SIGLEC12: variants seen among roughly 807,000 people sequenced by gnomAD.
SIGLEC12 encodes sialic acid binding Ig like lectin 12.
Under a neutral mutation model 54.1 loss-of-function variants are expected in SIGLEC12, and 43 were observed. The observed-to-expected ratio is 0.80, with a 90% CI of 0.62 to 1.03. The LOEUF (loss-of-function observed/expected upper bound fraction) is 1.03. SIGLEC12 is among the 50% of genes least tolerant of loss of function. The pLI, the probability that SIGLEC12 is intolerant of heterozygous loss-of-function variation, is 0.00. For synonymous variants in SIGLEC12, 357 were observed against 307.6 expected, an observed-to-expected ratio of 1.16 and a Z score of -1.68; for missense variants, 802 against 735.2, an observed-to-expected ratio of 1.09 and a Z score of -1.05.
chr19:51,499,403 G>T, intron 3 of SIGLEC12, 35 bp downstream of exon 3: 1 of 1,546,150 alleles, frequency 6.5e-7, no homozygotes, highest in Non-Finnish European at 8.7e-7. Flanking sequence ...AAGGAATCCC[G>T]ATCAAAGACC....
intron 4 of SIGLEC12, among the ~76,000 whole-genome samples, chr19:51,498,798 G>C (rs1276862395): frequency 1.3e-5 from 2 of 152,222 alleles, no homozygotes; most frequent in Admixed American, 1.3e-4. Flanking sequence ...GACAGACTCT[G>C]CTGTGCATTA....
At position 51,500,154 on chromosome 19, in the gene SIGLEC12, TG is replaced by T. The variant is rs769572716; in HGVS notation, c.573del (p.Phe191LeufsTer43). The T allele has an allele frequency of 6.2e-7, 1 of 1,614,104 alleles. No homozygotes were observed. The highest frequency in any genetic ancestry group is 1.7e-5 in the Admixed American group (1 of 60,020). ...TASSPVYGSW[F>X]KEGADIPWDI... ...TCCCATGGTATATCGGCCCCTTCCT[TG>T]AACCAGGATCCATAAACAGGGCTAG... is the stretch of plus-strand genomic sequence containing the variant. On this transcript the variant is annotated frameshift_variant, in exon 2 of 8. Coordinates refer to ENST00000291707, the MANE Select transcript of SIGLEC12 (RefSeq NM_053003.4). LOFTEE classifies it high-confidence loss of function.
intron 7 of SIGLEC12, 39 bp downstream of exon 7, chr19:51,496,841 A>G: frequency 6.2e-7 from 1 of 1,607,566 alleles, no homozygotes; most frequent in South Asian, 1.1e-5. Context: ...GGCCTGGGAG[A>G]AAGCAGGGGA....
intron 7 of SIGLEC12, among the ~76,000 whole-genome samples, chr19:51,495,011 T>C (rs184836740): frequency 7.2e-5 from 11 of 152,310 alleles, no homozygotes; most frequent in Admixed American, 1.3e-4. Flanking sequence ...GTTCAACGAA[T>C]GTGGAGTTTC....
chr19:51,496,757 G>T, intron 7 of SIGLEC12, 123 bp downstream of exon 7: 1 of 1,052,850 alleles, frequency 9.5e-7, no homozygotes, highest in Admixed American at 2.0e-5. Flanking sequence ...GGAGGAAAAA[G>T]TGGACAGGAC....
At position 51,501,620 on chromosome 19, in the gene SIGLEC12, C is replaced by A; in HGVS notation, c.114G>T (p.Leu38=). Residue 38 remains leucine (L), a synonymous_variant, in exon 1 of 8, where the codon CTG becomes CTT. Transcript: ENST00000291707. The part of the protein sequence containing the change: ...MQKSVTVQEG[L]CVSVLCSFSY... ...AGAAGGAGCAAAGCACAGAGACACA[C>A]AGGCCCTCCTGCACCGTCACGGACT... is the stretch of plus-strand genomic sequence containing the variant. The A allele has an allele frequency of 1.9e-6, 3 of 1,614,128 alleles. No homozygotes were observed. Among genetic ancestry groups the A allele is most frequent in the Non-Finnish European group, 2.5e-6 (3 of 1,179,976 alleles).
intron 7 of SIGLEC12, 37 bp from the exon 8 acceptor site, chr19:51,491,866 G>C: frequency 6.7e-7 from 1 of 1,486,076 alleles, no homozygotes; most frequent in Non-Finnish European, 9.0e-7. Flanking sequence ...GTGCAGAGCA[G>C]TGGGGCCAGC....
chr19:51,498,219 C>T lies in SIGLEC12; in HGVS notation c.1204G>A (p.Ala402Thr). The part of the protein sequence containing the change: ...LEGQSLHLVC[A>T]VDSNPPARLS... ...CTGGCAGGGGGATTGCTGTCGACAG[C>T]ACAGACAAGGTGCAGGGACTGGCCC... Residue 402 changes from alanine to threonine, a missense_variant, in exon 5 of 8, where the codon GCT becomes ACT. Coordinates refer to ENST00000291707, the MANE Select transcript of SIGLEC12 (RefSeq NM_053003.4). The T allele has an allele frequency of 1.9e-6, 3 of 1,614,124 alleles. No homozygotes were observed. The highest frequency in any genetic ancestry group is 2.5e-6 in the Non-Finnish European group (3 of 1,179,976).
At chr19:51,497,588 TG>T (rs1268972535) in intron 5 of SIGLEC12, 143 bp from the exon 6 acceptor site, 1 of 587,908 alleles carries the variant, frequency 1.7e-6, no homozygotes, top group African/African-American at 1.9e-5. Context: ...GAACTTCTCC[TG>T]AGGTCACTGA....
intron 3 of SIGLEC12, 60 bp downstream of exon 3, chr19:51,499,378 C>T (rs1332837047): frequency 9.7e-6 from 15 of 1,545,826 alleles, no homozygotes; most frequent in Non-Finnish European, 1.3e-5. Flanking sequence ...CTGGGTCCCA[C>T]ATCCAACTGG....
intron 7 of SIGLEC12, among the ~76,000 whole-genome samples, chr19:51,492,610 G>A (rs1990136037): frequency 6.6e-6 from 1 of 152,152 alleles, no homozygotes; most frequent in Admixed American, 6.5e-5. Flanking sequence ...GGATTACTTG[G>A]GTGGGCCCAG....
intron 4 of SIGLEC12, 146 bp from the exon 5 acceptor site, chr19:51,498,433 A>G: frequency 1.5e-6 from 1 of 670,170 alleles, no homozygotes; most frequent in Non-Finnish European, 2.4e-6. Flanking sequence ...ACTGTTGGGG[A>G]TGTAAACTTG....
chr19:51,499,459 C>G lies in SIGLEC12; in HGVS notation c.1066G>C (p.Ala356Pro), dbSNP rs965202423. The change falls in exon 3 of 8, where the codon GCT (alanine) becomes CCT (proline). Residue 356 changes from alanine to proline, a missense_variant. Transcript: ENST00000291707. ...LPGAGVTMTRAVRLNISYPPQ... is the reference protein window; with the variant it reads ...LPGAGVTMTRPVRLNISYPPQ... ...TCACAGGATATGTTGAGTCGGACAG[C>G]CCTGGTCATGGTCACGCCGGCCCCA... The G allele has an allele frequency of 1.4e-5, 23 of 1,596,528 alleles. No individual in the cohort carries two copies. The highest frequency in any genetic ancestry group is 1.7e-5 in the Non-Finnish European group (20 of 1,172,776).
chr19:51,501,437 TG>T lies in SIGLEC12; in HGVS notation c.296del (p.Pro99HisfsTer8). 6.2e-7 allele frequency: 1 copy of T among 1,614,204 alleles called. No individual in the cohort carries two copies. The highest frequency in any genetic ancestry group is 8.5e-7 in the Non-Finnish European group (1 of 1,180,038). On this transcript the variant is annotated frameshift_variant, in exon 1 of 8. Transcript: ENST00000291707. LOFTEE classifies it high-confidence loss of function. Reference protein sequence around the residue: ...TRDRFHLLGDPQNKDCTLSIR... With the variant: ...TRDRFHLLGDXQNKDCTLSIR... ...TGCTCAGGGTACAATCCTTGTTCTG[TG>T]GGTCCCCAAGGAGGTGGAATCGGTC...
At chr19:51,496,398 G>A (rs1268991847) in intron 7 of SIGLEC12, among the ~76,000 whole-genome samples, 1 of 152,180 alleles carries the variant, frequency 6.6e-6, no homozygotes, top group Non-Finnish European at 1.5e-5. Flanking sequence ...CCGGGAGGTG[G>A]AGGTTGTGGT....
At chr19:51,496,816 T>A (rs1990250957) in intron 7 of SIGLEC12, 64 bp downstream of exon 7, 1 of 1,547,514 alleles carries the variant, frequency 6.5e-7, no homozygotes, top group African/African-American at 1.4e-5. Flanking sequence ...GAGGAAGTAA[T>A]CCCCTTCCAT....
rs769608470 is a variant in SIGLEC12, at chr19:51,500,045, G to T, written c.683C>A (p.Thr228Asn). The T allele has an allele frequency of 1.2e-6, 2 of 1,614,090 alleles. No homozygotes were observed. The highest frequency in any genetic ancestry group is 1.7e-6 in the Non-Finnish European group (2 of 1,179,988). ...TCTGATGCTCAGGGAGCAGTTGTTG[G>T]TCTGTGGGTCCCCAAGGAGGAGGAA... ...GRFLLLGDPQ[T>N]NNCSLSIRDA... The change falls in exon 2 of 8, where the codon ACC (threonine) becomes AAC (asparagine). Residue 228 changes from threonine to asparagine, a missense_variant. Transcript: ENST00000291707.
Position 51,499,589 on chromosome 19 carries a change from G to A in SIGLEC12, c.936C>T (p.Ala312=). 1.9e-6 allele frequency: 3 copies of A among 1,612,938 alleles called. No individual in the cohort carries two copies. Among genetic ancestry groups the A allele is most frequent in the South Asian group, 1.1e-5 (1 of 91,038 alleles). The change falls in exon 3 of 8, where the codon GCC becomes GCT. Residue 312 remains alanine, a synonymous_variant. Coordinates refer to ENST00000291707, the MANE Select transcript of SIGLEC12 (RefSeq NM_053003.4). ...TAGTGGGGTCCAGGGAGGACACGGA[G>A]GCCCCCATCCAGGTGATCGTGGGGG... The part of the protein sequence containing the change: ...GTPPTITWMG[A]SVSSLDPTIT...
chr19:51,495,250 C>T (rs1326802205), intron 7 of SIGLEC12, among the ~76,000 whole-genome samples: 1,324 of 39,822 alleles, frequency 0.033, 56 homozygotes, highest in Middle Eastern at 0.068. Context: ...GATGGATGGA[C>T]GGGTGGGTGG....
Sources: gnomAD v4.1 joint callset for allele counts (sites outside exome capture counted in the v4.1 genomes callset) on GRCh38, gnomAD v4.1.1 for gene constraint, MANE v1.5 for transcripts, NCBI Gene and HGNC (gene_info 2026-07-23, HGNC 2026-07-21) for gene names.